Variants in RAD21 observed in about 807,000 individuals in gnomAD.
RAD21 encodes the protein RAD21 cohesin complex component.
Under a neutral mutation model 71.5 loss-of-function variants are expected in RAD21, and 18 were observed. The observed-to-expected ratio is 0.25, with a 90% confidence interval of 0.17 to 0.37. The LOEUF (loss-of-function observed/expected upper bound fraction) is 0.37, where lower values mean the gene tolerates loss of function less well. RAD21 is among the 10% of genes least tolerant of loss of function. RAD21 has a pLI of 1.00. For synonymous variants in RAD21, 248 were observed against 254.0 expected, an observed-to-expected ratio of 0.98 and a Z score of 0.22; for missense variants, 493 against 769.1, an observed-to-expected ratio of 0.64 and a Z score of 4.25.
Position 116,856,278 on chromosome 8 carries a change from A to G in RAD21, c.825T>C (p.Pro275=), listed in dbSNP as rs2130466739. The change falls in exon 8 of 14, where the codon CCT becomes CCC. Residue 275 remains proline, a synonymous_variant. Transcript: ENST00000297338. ...CGGGATCCACTGAATCAGGACTATCAGGCCCACCCACTGTAAAAAAAAAAA... is the reference window on the plus strand; with the variant it reads ...CGGGATCCACTGAATCAGGACTATCGGGCCCACCCACTGTAAAAAAAAAAA... ...DEDDNVSMGG[P]DSPDSVDPVE... The G allele has an allele frequency of 1.3e-6, 2 of 1,486,162 alleles. No homozygotes were observed. Among genetic ancestry groups the G allele is most frequent in the Non-Finnish European group, 1.8e-6 (2 of 1,126,414 alleles). 92.1% of individuals were successfully genotyped at this position (1,486,162 alleles called of 1,614,324 possible). A position where few individuals can be genotyped will look rare whatever the true frequency, so the allele number is the denominator to read the frequency against.
At position 116,874,631 on chromosome 8, in the gene RAD21, G is replaced by A; in HGVS notation, c.-53C>T. On this transcript the variant is annotated 5_prime_UTR_variant, in exon 1 of 14. Transcript: ENST00000297338. Reference sequence around the variant, plus strand: ...CTTACCTTGCTCTCCGCTGGGAGTTGGGCGGGCTGGGTGGCCCGGGGAGGG... The same window carrying A: ...CTTACCTTGCTCTCCGCTGGGAGTTAGGCGGGCTGGGTGGCCCGGGGAGGG... 1 of 365,418 alleles carries A rather than the reference G, an allele frequency of 2.7e-6. No individual in the cohort carries two copies. The highest frequency in any genetic ancestry group is 5.4e-6 in the Non-Finnish European group (1 of 185,714). The allele number at this position is 365,418 out of a possible 1,614,324, so 22.6% of individuals were successfully genotyped here.
At chr8:116,851,012 TTACTTTTTAGGAGTCAAA>T in intron 11 of RAD21, 1 of 287,054 alleles carries the variant, frequency 3.5e-6, no homozygotes, top group Non-Finnish European at 6.5e-6. Context: ...ATTTTCATAC[TTACTTTTTAGGAGTCAAA>T]TGCTTTTTAA....
intron 2 of RAD21, among the ~76,000 whole-genome samples, chr8:116,864,615 T>C (rs895644276): frequency 3.9e-5 from 6 of 152,130 alleles, no homozygotes; most frequent in African/African-American, 1.4e-4. Flanking sequence ...AAAAACAGAA[T>C]CTATTTTTAT....
rs372953390 is a variant in RAD21, at chr8:116,851,928, G to A, written c.1470+20C>T. The A allele has an allele frequency of 1.9e-6, 3 of 1,594,328 alleles. No individual in the cohort carries two copies. The highest frequency in any genetic ancestry group is 2.7e-5 in the African/African-American group (2 of 74,668). On this transcript the variant is annotated intron_variant, in intron 11 of 13. Transcript: ENST00000297338. ...TATGAATACCTTCAAATGACTTAATGGATAGATTTGCTTACTTACAGGCAT... is the reference window on the plus strand; with the variant it reads ...TATGAATACCTTCAAATGACTTAATAGATAGATTTGCTTACTTACAGGCAT...
chr8:116,854,434 T>C lies in RAD21; in HGVS notation c.972A>G (p.Leu324=). 6.2e-7 allele frequency: 1 copy of C among 1,613,844 alleles called. No homozygotes were observed. Among genetic ancestry groups the C allele is most frequent in the Non-Finnish European group, 8.5e-7 (1 of 1,179,852 alleles). The change falls in exon 9 of 14, where the codon CTA becomes CTG. Residue 324 remains leucine (L), a synonymous_variant. Coordinates refer to ENST00000297338, the MANE Select transcript of RAD21 (RefSeq NM_006265.3). ...CCAACTCTTTGACACTGTCAACAAT[T>C]AGCTTCCTCTTCCTCTTGGCTTTTG... ...KETKAKRKRK[L]IVDSVKELDS... is the part of the protein sequence containing the mutation.
At chr8:116,857,214 C>A in intron 6 of RAD21, 53 bp downstream of exon 6, 2 of 1,502,258 alleles carry the variant, frequency 1.3e-6, no homozygotes, top group Non-Finnish European at 1.8e-6. Flanking sequence ...CAAAACTTTA[C>A]AACTTAATAA....
chr8:116,855,803 T>C (rs1812450157), intron 8 of RAD21, among the ~76,000 whole-genome samples: 1 of 152,174 alleles, frequency 6.6e-6, no homozygotes, highest in African/African-American at 2.4e-5. Context: ...AGCTTTCCAA[T>C]GTTTTCCAGT....
chr8:116,872,822 T>G (rs144308509), intron 1 of RAD21, among the ~76,000 whole-genome samples: 1 of 152,304 alleles, frequency 6.6e-6, no homozygotes, highest in Non-Finnish European at 1.5e-5. Flanking sequence ...TCTCTGAAGA[T>G]ATTTCTAACC....
chr8:116,865,553 C>T (rs538703772), intron 2 of RAD21, among the ~76,000 whole-genome samples: 4 of 152,286 alleles, frequency 2.6e-5, no homozygotes, highest in East Asian at 1.9e-4. Flanking sequence ...ATGTCCATCA[C>T]TTGGCCTATC....
chr8:116,867,446 C>A (rs1470687553), intron 1 of RAD21, among the ~76,000 whole-genome samples: 1 of 152,162 alleles, frequency 6.6e-6, no homozygotes, highest in Non-Finnish European at 1.5e-5. Context: ...GACTGAAAGT[C>A]TTGGAATCAC....
Position 116,874,550 on chromosome 8 carries a change from G to C in RAD21, c.-33+61C>G, listed in dbSNP as rs943668899. The C allele has an allele frequency of 2.2e-3, 612 of 279,744 alleles. 3 individuals are homozygous for C. The highest frequency in any genetic ancestry group is 3.7e-3 in the Non-Finnish European group (528 of 142,212). 17.3% of individuals were successfully genotyped at this position (279,744 alleles called of 1,614,324 possible). On this transcript the variant is annotated intron_variant, in intron 1 of 13. Coordinates refer to ENST00000297338, the MANE Select transcript of RAD21 (RefSeq NM_006265.3). ...GAGTCCGGCTCCCCGACGGCAGAGC[G>C]GCGGGGAAAGGGTGGGGGGAGGGAG...
At chr8:116,860,250 T>C (rs1812562160) in intron 4 of RAD21, among the ~76,000 whole-genome samples, 1 of 152,230 alleles carries the variant, frequency 6.6e-6, no homozygotes, top group African/African-American at 2.4e-5. Flanking sequence ...GTGAAGATAC[T>C]GTGAATATTG....
At chr8:116,859,629 C>T (rs1001971608) in intron 4 of RAD21, among the ~76,000 whole-genome samples, 5 of 152,118 alleles carry the variant, frequency 3.3e-5, no homozygotes, top group Admixed American at 6.5e-5. Flanking sequence ...AAGAAATGTT[C>T]TGTGTGTTCT....
chr8:116,863,315 CTTCTT>C lies in RAD21; in HGVS notation c.145-61_145-57del, dbSNP rs577857183. ...ACCTGCATTTCGTGCCATTCATAGTCTTCTTTTTATCTTTTTCCTTTAAAGTTGCC... is the reference window on the plus strand; with the variant it reads ...ACCTGCATTTCGTGCCATTCATAGTCTTTATCTTTTTCCTTTAAAGTTGCC... On this transcript the variant is annotated intron_variant, in intron 2 of 13. Coordinates refer to ENST00000297338, the MANE Select transcript of RAD21 (RefSeq NM_006265.3). 388 of 1,543,086 alleles carry C rather than the reference CTTCTT, an allele frequency of 2.5e-4. No homozygotes were observed. The African/African-American group carries it at 5.0e-3, about 20-fold the overall frequency.
rs780662446 is a variant in RAD21, at chr8:116,847,595, A to G, written c.1801T>C (p.Leu601=). 27 of 1,614,158 alleles carry G rather than the reference A, an allele frequency of 1.7e-5. No homozygotes were observed. In the Admixed American group the frequency reaches 3.8e-4, roughly 23 times the overall value. ...ATAGCTTGCTGCTTTTTAAGAACCA[A>G]GAAGCTGTAGAACTTTGCGGCAGCT... is the stretch of plus-strand genomic sequence containing the variant. ...KQAAAKFYSF[L]VLKKQQAIEL... The change falls in exon 14 of 14, where the codon TTG becomes CTG. Residue 601 remains leucine (L), a synonymous_variant. Transcript: ENST00000297338.
intron 4 of RAD21, among the ~76,000 whole-genome samples, chr8:116,859,728 G>C (rs576556452): frequency 7.2e-4 from 110 of 151,958 alleles, no homozygotes; most frequent in African/African-American, 2.6e-3. Context: ...TTGAAATAAG[G>C]CCAATTAATA....
rs552304765 is a variant in RAD21, at chr8:116,867,763, G to A, written c.-32-1002C>T. On this transcript the variant is annotated intron_variant, in intron 1 of 13. Coordinates refer to ENST00000297338, the MANE Select transcript of RAD21 (RefSeq NM_006265.3). ...TTTTAATTTGAAATAGAGTCACAGG[G>A]AGTCATAGATAGCAGGTCCCATGTA... is the stretch of plus-strand genomic sequence containing the variant. 1.1e-3 allele frequency among the ~76,000 whole-genome samples: 173 copies of A among 152,242 alleles called. 1 individual carries two copies. The highest frequency in any genetic ancestry group is 3.8e-3 in the African/African-American group (158 of 41,542).
At chr8:116,861,018 T>G (rs1365776331) in intron 4 of RAD21, among the ~76,000 whole-genome samples, 1 of 152,138 alleles carries the variant, frequency 6.6e-6, no homozygotes, top group Non-Finnish European at 1.5e-5. Flanking sequence ...TTTCTCTAGT[T>G]ATTAGCTATG....
At chr8:116,871,534 A>G (rs1227349030) in intron 1 of RAD21, among the ~76,000 whole-genome samples, 1 of 152,234 alleles carries the variant, frequency 6.6e-6, no homozygotes, top group East Asian at 1.9e-4. Flanking sequence ...CTCATTAGAA[A>G]GCATGGCAGG....
Sources: gnomAD v4.1 joint callset for allele counts (sites outside exome capture counted in the v4.1 genomes callset) on GRCh38, gnomAD v4.1.1 for gene constraint, MANE v1.5 for transcripts, NCBI Gene and HGNC (gene_info 2026-07-23, HGNC 2026-07-21) for gene names.